Variants in EDA2R observed in about 807,000 individuals in gnomAD.
The protein encoded by EDA2R is ectodysplasin A2 receptor.
A neutral mutation model predicts 20.1 loss-of-function variants in EDA2R; 26 were observed. The observed-to-expected ratio is 1.30, with a 90% CI of 0.95 to 1.80. The LOEUF is 1.80. EDA2R is among the 40% of genes most tolerant of loss of function. The pLI, the probability that EDA2R is intolerant of heterozygous loss-of-function variation, is 0.00. For missense variants in EDA2R, 277 were observed against 228.7 expected (o/e 1.21, Z -1.36); for synonymous variants, 114 against 88.7 (o/e 1.29, Z -1.60).
At chrX:66,618,250 G>T (rs776634830) in intron 1 of EDA2R, among the ~76,000 whole-genome samples, 2 of 111,282 alleles carry the variant, frequency 1.8e-5, no homozygotes, top group African/African-American at 3.3e-5. Context: ...TTCATTCGAC[G>T]CTTAACAAAT....
intron 1 of EDA2R, among the ~76,000 whole-genome samples, chrX:66,625,272 G>A (rs1932962280): frequency 9.0e-6 from 1 of 111,261 alleles, no homozygotes; most frequent in Admixed American, 9.5e-5. Context: ...CCTGGGGCAG[G>A]TTCTCAAGCC....
In EDA2R at chrX:66,604,485, A is replaced by C. The variant is rs1282899317; in HGVS notation, c.288T>G (p.Ile96Met). 1.2e-5 allele frequency: 15 copies of C among 1,207,232 alleles called. No homozygotes were observed. Among genetic ancestry groups the C allele is most frequent in the Middle Eastern group, 2.3e-4 (1 of 4,359 alleles). The change falls in exon 4 of 7, where the codon ATT (isoleucine) becomes ATG (methionine). Residue 96 changes from isoleucine to methionine, a missense_variant. Physicochemically the swap from Ile to Met is conservative, Grantham distance 10 (BLOSUM62 1). Transcript: ENST00000374719. Reference protein sequence around the residue: ...CLPRFYRKTRIGGLQDQECIP... With the variant: ...CLPRFYRKTRMGGLQDQECIP... ...TGCACTCTTGGTCCTGCAGGCCTCC[A>C]ATGCGTGTCTTTCGGTAGAACCTGT... is the stretch of plus-strand genomic sequence containing the variant.
At chrX:66,598,946 C>T in intron 6 of EDA2R, among the ~76,000 whole-genome samples, 1 of 111,631 alleles carries the variant, frequency 9.0e-6, no homozygotes, top group African/African-American at 3.3e-5. Context: ...AACCTGGGTT[C>T]TTGCACAGTT....
At chrX:66,630,283 A>T (rs1332881407) in intron 1 of EDA2R, among the ~76,000 whole-genome samples, 1 of 112,052 alleles carries the variant, frequency 8.9e-6, no homozygotes, top group Non-Finnish European at 1.9e-5. Flanking sequence ...TGGCTTAGGC[A>T]ATGATTTCAT....
intron 1 of EDA2R, among the ~76,000 whole-genome samples, chrX:66,625,285 A>G (rs1932963360): frequency 9.0e-6 from 1 of 110,856 alleles, no homozygotes; most frequent in African/African-American, 3.3e-5. Flanking sequence ...CTCAAGCCCT[A>G]CTCACCCATT....
chrX:66,631,991 A>T (rs763429197), intron 1 of EDA2R, among the ~76,000 whole-genome samples: 1 of 112,098 alleles, frequency 8.9e-6, no homozygotes, highest in Non-Finnish European at 1.9e-5. Flanking sequence ...CCAGAATAAC[A>T]GTTCTTGCTT....
chrX:66,610,941 C>T (rs1020774761), intron 2 of EDA2R, among the ~76,000 whole-genome samples: 4 of 111,134 alleles, frequency 3.6e-5, no homozygotes, highest in Non-Finnish European at 5.7e-5. Flanking sequence ...TATTTTCCCC[C>T]ACATAGGAAC....
intron 1 of EDA2R, among the ~76,000 whole-genome samples, chrX:66,622,169 T>C (rs1487992128): frequency 8.9e-6 from 1 of 111,951 alleles, no homozygotes; most frequent in Non-Finnish European, 1.9e-5. Flanking sequence ...GTCTGTCATG[T>C]GGCTGCTCTT....
At position 66,603,922 on chromosome X, in the gene EDA2R, A is replaced by G. The variant is rs1929134845; in HGVS notation, c.352+499T>C. Among the ~76,000 whole-genome samples, 4 of 112,398 alleles carry G rather than the reference A, an allele frequency of 3.6e-5. No homozygotes were observed. The Admixed American group carries it at 3.8e-4, about 11-fold the overall frequency. ...TGAAAACTTTCATGATTTAAAAAAT[A>G]TGTCAATAATTTTAAAATAGGAAGT... is the stretch of plus-strand genomic sequence containing the variant. On this transcript the variant is annotated intron_variant, in intron 4 of 6. Transcript: ENST00000374719.
At chrX:66,617,121 A>G (rs1931823830) in intron 1 of EDA2R, among the ~76,000 whole-genome samples, 1 of 112,033 alleles carries the variant, frequency 8.9e-6, no homozygotes, top group Non-Finnish European at 1.9e-5. Context: ...GTGGTTTCTA[A>G]AAGTGCCAAA....
chrX:66,619,562 G>T lies in EDA2R; in HGVS notation c.-10-3532C>A, dbSNP rs185978171. Among the ~76,000 whole-genome samples the T allele has an allele frequency of 1.3e-3, 141 of 111,710 alleles. 1 individual carries two copies. The highest frequency in any genetic ancestry group is 4.3e-3 in the African/African-American group (133 of 30,731). On this transcript the variant is annotated intron_variant, in intron 1 of 6. Coordinates refer to ENST00000374719, the MANE Select transcript of EDA2R (RefSeq NM_021783.5). Reference sequence around the variant, plus strand: ...TTTTTTTCACCCCAACTCTGACATGGGGTTGTGTTCTCTTTACATTACTGA... The same window carrying T: ...TTTTTTTCACCCCAACTCTGACATGTGGTTGTGTTCTCTTTACATTACTGA...
chrX:66,609,122 T>C (rs757534872), intron 2 of EDA2R, among the ~76,000 whole-genome samples: 4 of 111,734 alleles, frequency 3.6e-5, no homozygotes, highest in Non-Finnish European at 5.6e-5. Flanking sequence ...TAAGGCTGCT[T>C]AAAAAACACA....
chrX:66,609,071 C>T (rs1004510377), intron 2 of EDA2R, among the ~76,000 whole-genome samples: 1 of 111,419 alleles, frequency 9.0e-6, no homozygotes, highest in African/African-American at 3.3e-5. Flanking sequence ...GAATTGTAAA[C>T]CTAAATGGGT....
intron 2 of EDA2R, 104 bp from the exon 3 acceptor site, chrX:66,605,330 C>T: frequency 1.4e-6 from 1 of 699,046 alleles, no homozygotes; most frequent in Non-Finnish European, 2.0e-6. Flanking sequence ...CAACTTGCAA[C>T]CCCATTACTA....
chrX:66,615,648 A>C (rs113452163), intron 2 of EDA2R, among the ~76,000 whole-genome samples: 228 of 111,345 alleles, frequency 2.0e-3, no homozygotes, highest in African/African-American at 7.2e-3. Flanking sequence ...CTTGCTTTAG[A>C]TGACAGATTA....
At chrX:66,626,308 C>G (rs7892403) in intron 1 of EDA2R, among the ~76,000 whole-genome samples, 7,552 of 110,830 alleles carry the variant, frequency 0.068, 629 homozygotes, top group African/African-American at 0.24. Context: ...GAAATAGATA[C>G]CATAAAGAAA....
Position 66,627,175 on chromosome X carries a change from T to C in EDA2R, c.-10-11145A>G, listed in dbSNP as rs1032003747. On this transcript the variant is annotated intron_variant, in intron 1 of 6. Transcript: ENST00000374719. The stretch of plus-strand genomic sequence containing the variant: ...ATAAAAATAGAACCTCTTTAAAGCA[T>C]AAATCACACAGGACCTATCAAACAA... 2.4e-4 allele frequency among the ~76,000 whole-genome samples: 27 copies of C among 111,911 alleles called. No individual in the cohort carries two copies. The Admixed American group carries it at 2.5e-3, about 11-fold the overall frequency.
intron 1 of EDA2R, among the ~76,000 whole-genome samples, chrX:66,630,072 CA>C: frequency 9.0e-6 from 1 of 111,072 alleles, no homozygotes; most frequent in Middle Eastern, 4.6e-3. Context: ...ACAAAGCAAA[CA>C]AAAACATAAA....
chrX:66,602,649 G>C lies in EDA2R; in HGVS notation c.501C>G (p.Asn167Lys). The change falls in exon 5 of 7, where the codon AAC becomes AAG. Residue 167 changes from asparagine to lysine, a missense_variant. Asn to Lys is a moderately conservative substitution (Grantham distance 94). Coordinates refer to ENST00000374719, the MANE Select transcript of EDA2R (RefSeq NM_021783.5). ...LFFLYCKQFFNRHCQRGGLLQ... is the reference protein window; with the variant it reads ...LFFLYCKQFFKRHCQRGGLLQ... ...CACCCTTACCACGCTGGCAATGTCT[G>C]TTGAAGAACTGCTTGCAGTAGAGGA... 8.3e-7 allele frequency: 1 copy of C among 1,200,423 alleles called. No individual in the cohort carries two copies. The highest frequency in any genetic ancestry group is 1.1e-6 in the Non-Finnish European group (1 of 889,668).
Sources: allele counts gnomAD v4.1 joint callset (sites outside exome capture counted in the v4.1 genomes callset), GRCh38; gene constraint gnomAD v4.1.1; transcripts MANE v1.5; gene names NCBI Gene and HGNC (gene_info 2026-07-23, HGNC 2026-07-21).